The following LRRC4C variants were observed in gnomAD, a reference collection of about 807,000 sequenced individuals.
LRRC4C encodes leucine-rich repeat-containing protein 4C.
A neutral mutation model predicts 33.6 loss-of-function variants in LRRC4C; 5 were observed. The observed-to-expected ratio is 0.15, with a 90% CI of 0.08 to 0.31. LRRC4C has a LOEUF of 0.31. Ranked by LOEUF, LRRC4C falls within the 10% of genes least tolerant of loss-of-function variation. The pLI is 1.00. For synonymous variants in LRRC4C, 329 were observed against 302.0 expected, an observed-to-expected ratio of 1.09 and a Z score of -0.93; for missense variants, 560 against 796.7, an observed-to-expected ratio of 0.70 and a Z score of 3.58.
intron 2 of LRRC4C, among the ~76,000 whole-genome samples, chr11:40,690,032 G>A (rs1004082203): frequency 9.2e-5 from 14 of 152,192 alleles, no homozygotes; most frequent in African/African-American, 3.1e-4. Flanking sequence ...TTTGAAGGAC[G>A]AGAGGGCACT....
intron 5 of LRRC4C, among the ~76,000 whole-genome samples, chr11:40,188,949 G>A (rs2135584848): frequency 6.6e-6 from 1 of 152,260 alleles, no homozygotes; most frequent in East Asian, 1.9e-4. Flanking sequence ...AACAGTCATG[G>A]AGGCTTTCAT....
intron 1 of LRRC4C, among the ~76,000 whole-genome samples, chr11:40,995,782 C>T (rs1383795427): frequency 1.3e-5 from 2 of 152,142 alleles, no homozygotes; most frequent in Non-Finnish European, 2.9e-5. Flanking sequence ...TCTCACTGCA[C>T]TTGGAACAAA....
chr11:40,309,801 C>T (rs902901053), intron 4 of LRRC4C, among the ~76,000 whole-genome samples: 9 of 152,094 alleles, frequency 5.9e-5, no homozygotes, highest in African/African-American at 1.7e-4. Context: ...GACACCATGC[C>T]CCACCAAAAG....
At chr11:41,426,843 C>T (rs1955059119) in intron 1 of LRRC4C, among the ~76,000 whole-genome samples, 1 of 152,096 alleles carries the variant, frequency 6.6e-6, no homozygotes, top group South Asian at 2.1e-4. Flanking sequence ...TTGTTGACTT[C>T]CCAGGCCTCT....
chr11:41,439,545 T>A (rs1053561299), intron 1 of LRRC4C, among the ~76,000 whole-genome samples: 23 of 152,336 alleles, frequency 1.5e-4, no homozygotes, highest in African/African-American at 5.0e-4. Flanking sequence ...CAATTTTTTT[T>A]ATTTTTTAAT....
chr11:40,793,523 G>A (rs990755102), intron 2 of LRRC4C, among the ~76,000 whole-genome samples: 2 of 152,158 alleles, frequency 1.3e-5, no homozygotes, highest in African/African-American at 4.8e-5. Flanking sequence ...AGCTTTGCAT[G>A]TATTAACTCA....
At chr11:41,348,968 C>T (rs1484210309) in intron 1 of LRRC4C, among the ~76,000 whole-genome samples, 7 of 152,186 alleles carry the variant, frequency 4.6e-5, no homozygotes, top group South Asian at 2.1e-4. Flanking sequence ...AGCACAGCCA[C>T]GGGTGCCCAT....
At position 40,381,256 on chromosome 11, in the gene LRRC4C, A is replaced by T. The variant is rs571495895; in HGVS notation, c.-269-61535T>A. 2.6e-5 allele frequency among the ~76,000 whole-genome samples: 4 copies of T among 151,316 alleles called. No individual in the cohort carries two copies. The South Asian group carries it at 8.4e-4, about 32-fold the overall frequency. On this transcript the variant is annotated intron_variant, in intron 3 of 6. Coordinates refer to ENST00000528697, the MANE Select transcript of LRRC4C (RefSeq NM_001258419.2). ...AAAAAAAAAAAAAGCCTAGGTAATA[A>T]GGGAGTAGAATGCAACGGTGGGGTC...
At chr11:40,855,083 A>G (rs1020160018) in intron 2 of LRRC4C, among the ~76,000 whole-genome samples, 1 of 152,202 alleles carries the variant, frequency 6.6e-6, no homozygotes, top group South Asian at 2.1e-4. Context: ...TTGTCAGAAT[A>G]AAACCCATAA....
intron 3 of LRRC4C, among the ~76,000 whole-genome samples, chr11:40,468,606 G>A (rs1952771365): frequency 1.3e-5 from 2 of 152,066 alleles, no homozygotes; most frequent in African/African-American, 2.4e-5. Flanking sequence ...GTGTGTGTGA[G>A]TGTGTGAGTT....
intron 2 of LRRC4C, among the ~76,000 whole-genome samples, chr11:40,772,305 G>A (rs902659326): frequency 3.9e-5 from 6 of 152,140 alleles, no homozygotes; most frequent in Non-Finnish European, 7.4e-5. Context: ...TCACTATCAT[G>A]AGAAGAGCAT....
intron 3 of LRRC4C, among the ~76,000 whole-genome samples, chr11:40,331,577 T>A (rs1946364600): frequency 6.6e-6 from 1 of 152,204 alleles, no homozygotes; most frequent in East Asian, 1.9e-4. Context: ...AACATTTGAA[T>A]TAGTAGACTG....
intron 1 of LRRC4C, among the ~76,000 whole-genome samples, chr11:41,036,866 G>T (rs369340623): frequency 6.6e-6 from 1 of 152,200 alleles, no homozygotes; most frequent in Non-Finnish European, 1.5e-5. Context: ...GGAAGGTCAA[G>T]AAATCATTTG....
intron 3 of LRRC4C, among the ~76,000 whole-genome samples, chr11:40,365,462 T>C (rs1347221033): frequency 2.6e-5 from 4 of 152,016 alleles, no homozygotes; most frequent in African/African-American, 9.7e-5. Flanking sequence ...CTTTATTAAG[T>C]TCTGCCGGTT....
chr11:40,283,424 TA>T lies in LRRC4C; in HGVS notation c.-176+36203del, dbSNP rs199766458. On this transcript the variant is annotated intron_variant, in intron 4 of 6. Transcript: ENST00000528697. ...GGTACATGTTGTCTATTAGTAAAAG[TA>T]AAAAAAAAATTGCAATGTTTTATTA... Among the ~76,000 whole-genome samples, 532 of 149,130 alleles carry T rather than the reference TA, an allele frequency of 3.6e-3. 2 individuals are homozygous for T. Among genetic ancestry groups the T allele is most frequent in the African/African-American group, 9.2e-3 (373 of 40,720 alleles).
At chr11:41,320,404 T>A (rs1017745514) in intron 1 of LRRC4C, among the ~76,000 whole-genome samples, 10 of 152,208 alleles carry the variant, frequency 6.6e-5, no homozygotes, top group Non-Finnish European at 1.2e-4. Context: ...TTTTTTCAGA[T>A]GGTGACTCAC....
intron 4 of LRRC4C, among the ~76,000 whole-genome samples, chr11:40,277,229 G>C (rs1943173330): frequency 6.6e-6 from 1 of 152,116 alleles, no homozygotes; most frequent in South Asian, 2.1e-4. Context: ...GGACCACTGG[G>C]ATATTAAATG....
intron 1 of LRRC4C, among the ~76,000 whole-genome samples, chr11:41,174,036 AATC>A (rs1945091435): frequency 6.6e-6 from 1 of 152,110 alleles, no homozygotes; most frequent in Non-Finnish European, 1.5e-5. Flanking sequence ...CAGGATACCT[AATC>A]ATATCAATAT....
intron 2 of LRRC4C, among the ~76,000 whole-genome samples, chr11:40,665,344 ATATATATATATATATATATG>A (rs1298499056): frequency 0.082 from 1,678 of 20,478 alleles, 49 homozygotes; most frequent in African/African-American, 0.088. Flanking sequence ...ATATATATAT[ATATATATATATATATATATG>A]TATATATATA....
Sources: gnomAD v4.1 joint callset for allele counts (sites outside exome capture counted in the v4.1 genomes callset) on GRCh38, gnomAD v4.1.1 for gene constraint, MANE v1.5 for transcripts, NCBI Gene and HGNC (gene_info 2026-07-23, HGNC 2026-07-21) for gene names.